SCAPER: variants seen among roughly 807,000 people sequenced by gnomAD.
The protein encoded by SCAPER is S phase cyclin A-associated protein in the endoplasmic reticulum.
Under a neutral mutation model 182.2 loss-of-function variants are expected in SCAPER, and 98 were observed. That is an observed-to-expected ratio of 0.54 (90% CI 0.46 to 0.64). The LOEUF (loss-of-function observed/expected upper bound fraction) is 0.64. Among genes scored for constraint, SCAPER ranks in the 30% least tolerant of loss-of-function variants. SCAPER has a pLI of 0.00. For synonymous variants in SCAPER, 605 were observed against 564.6 expected, an observed-to-expected ratio of 1.07 and a Z score of -1.01; for missense variants, 1,432 against 1,690.0, an observed-to-expected ratio of 0.85 and a Z score of 2.68.
chr15:76,505,223 A>C (rs1040571372), intron 23 of SCAPER, among the ~76,000 whole-genome samples: 1 of 152,178 alleles, frequency 6.6e-6, no homozygotes, highest in East Asian at 1.9e-4. Flanking sequence ...AGCACAGGCA[A>C]CCAAAGCAAA....
intron 23 of SCAPER, among the ~76,000 whole-genome samples, chr15:76,541,551 G>A (rs1357797809): frequency 2.0e-5 from 3 of 152,160 alleles, no homozygotes; most frequent in African/African-American, 7.2e-5. Context: ...CATGTAAGAT[G>A]GGCTTACGGA....
rs116895004 is a variant in SCAPER, at chr15:76,362,703, G to A, written c.3856-8563C>T. Among the ~76,000 whole-genome samples the A allele has an allele frequency of 6.9e-4, 104 of 151,210 alleles. 1 individual carries two copies. In the East Asian group the frequency reaches 0.014, roughly 20 times the overall value. On this transcript the variant is annotated intron_variant, in intron 29 of 31. Transcript: ENST00000563290. ...TGGGATTACAGGTGTAAGCCACTGC[G>A]CTCAGCCCTTGCTCTCTCTCTTTCT...
intron 23 of SCAPER, among the ~76,000 whole-genome samples, chr15:76,536,040 A>G (rs1381630774): frequency 2.0e-5 from 3 of 152,210 alleles, no homozygotes; most frequent in Non-Finnish European, 4.4e-5. Context: ...AAATTTTAAA[A>G]CCATTCTGAA....
At chr15:76,787,298 A>G (rs2064681367) in intron 8 of SCAPER, among the ~76,000 whole-genome samples, 1 of 152,232 alleles carries the variant, frequency 6.6e-6, no homozygotes, top group African/African-American at 2.4e-5. Flanking sequence ...CACAATATAG[A>G]ACCCAGAAAT....
chr15:76,352,504 T>TG (rs2040637668), intron 30 of SCAPER, among the ~76,000 whole-genome samples: 2 of 146,514 alleles, frequency 1.4e-5, no homozygotes, highest in Non-Finnish European at 3.0e-5. Context: ...TTTTTTTTGA[T>TG]GGAGTCTCGC....
chr15:76,881,264 T>A (rs1023755494), intron 2 of SCAPER, among the ~76,000 whole-genome samples: 1 of 152,190 alleles, frequency 6.6e-6, no homozygotes, highest in Non-Finnish European at 1.5e-5. Context: ...CCAGCTAATT[T>A]TTTGTATTTT....
chr15:76,857,362 G>C (rs1287633508), intron 4 of SCAPER, among the ~76,000 whole-genome samples: 2 of 151,666 alleles, frequency 1.3e-5, no homozygotes, highest in African/African-American at 4.8e-5. Flanking sequence ...GAACCCAAGA[G>C]GAAGAGGGTT....
intron 2 of SCAPER, among the ~76,000 whole-genome samples, chr15:76,881,311 G>A (rs918760701): frequency 6.6e-6 from 1 of 152,146 alleles, no homozygotes; most frequent in Non-Finnish European, 1.5e-5. Flanking sequence ...GGCCAAGCTG[G>A]TCTCAAACTC....
chr15:76,800,718 C>T (rs2065720536), intron 6 of SCAPER, among the ~76,000 whole-genome samples: 1 of 152,188 alleles, frequency 6.6e-6, no homozygotes, highest in African/African-American at 2.4e-5. Flanking sequence ...GGCAATGATA[C>T]TACTTCAATC....
At chr15:76,606,848 T>C (rs1336559963) in intron 22 of SCAPER, among the ~76,000 whole-genome samples, 6 of 152,200 alleles carry the variant, frequency 3.9e-5, no homozygotes, top group African/African-American at 1.4e-4. Context: ...CTCCTGCCTT[T>C]TTTTGTTTTC....
At chr15:76,729,687 A>C (rs984877571) in intron 16 of SCAPER, among the ~76,000 whole-genome samples, 1 of 152,132 alleles carries the variant, frequency 6.6e-6, no homozygotes, top group African/African-American at 2.4e-5. Context: ...CTAGAAGATA[A>C]ATAATAATAT....
At position 76,348,661 on chromosome 15, in the gene SCAPER, T is replaced by G; in HGVS notation, c.4175A>C (p.Gln1392Pro). 6.4e-7 allele frequency: 1 copy of G among 1,552,080 alleles called. No homozygotes were observed. Among genetic ancestry groups the G allele is most frequent in the Non-Finnish European group, 8.7e-7 (1 of 1,147,040 alleles). ...TTTTTTCTCTTTTTTCAAGAAAAAC[T>G]GTCGAGCTTCTTCCCAGGCCTGCTG... ...FPQQAWEEARQFFLKKEKK is the reference protein window; with the variant it reads ...FPQQAWEEARPFFLKKEKK The change falls in exon 32 of 32, where the codon CAG becomes CCG. Residue 1392 changes from glutamine to proline, a missense_variant. Physicochemically the swap from Gln to Pro is moderately conservative, Grantham distance 76. Coordinates refer to ENST00000563290, the MANE Select transcript of SCAPER (RefSeq NM_020843.4).
At chr15:76,476,706 CAA>C (rs1184075365) in intron 24 of SCAPER, among the ~76,000 whole-genome samples, 2 of 148,782 alleles carry the variant, frequency 1.3e-5, no homozygotes, top group African/African-American at 5.0e-5. Flanking sequence ...CTAGGCCTCC[CAA>C]AGTGTTGGGA....
intron 21 of SCAPER, among the ~76,000 whole-genome samples, chr15:76,629,490 C>T (rs182991855): frequency 2.8e-4 from 42 of 152,182 alleles, no homozygotes; most frequent in Admixed American, 1.1e-3. Flanking sequence ...ATTTTATCAA[C>T]GGCCTTTTCT....
intron 2 of SCAPER, among the ~76,000 whole-genome samples, chr15:76,876,334 G>A (rs2073161001): frequency 6.6e-6 from 1 of 151,882 alleles, no homozygotes; most frequent in Admixed American, 6.6e-5. Context: ...GGCACCAAGA[G>A]TGAGCGAGGG....
chr15:76,561,353 T>A (rs2046605323), intron 23 of SCAPER, among the ~76,000 whole-genome samples: 1 of 152,196 alleles, frequency 6.6e-6, no homozygotes, highest in African/African-American at 2.4e-5. Flanking sequence ...CCTATTGTAA[T>A]AATTGACATG....
intron 29 of SCAPER, among the ~76,000 whole-genome samples, chr15:76,364,748 T>C (rs1331528271): frequency 6.6e-6 from 1 of 151,930 alleles, no homozygotes; most frequent in Non-Finnish European, 1.5e-5. Context: ...CACCTACCAT[T>C]CTCCATATCC....
chr15:76,372,904 G>A (rs1276192266), intron 29 of SCAPER, among the ~76,000 whole-genome samples: 1 of 152,190 alleles, frequency 6.6e-6, no homozygotes, highest in Non-Finnish European at 1.5e-5. Context: ...TGTAAAATTA[G>A]TCATAGAAAA....
chr15:76,476,009 G>C (rs1454582800), intron 24 of SCAPER, among the ~76,000 whole-genome samples: 8 of 151,976 alleles, frequency 5.3e-5, no homozygotes, highest in Non-Finnish European at 1.0e-4. Context: ...GAGACAATCC[G>C]AGCATGGAAA....
Sources: gnomAD v4.1 joint callset for allele counts (sites outside exome capture counted in the v4.1 genomes callset) on GRCh38, gnomAD v4.1.1 for gene constraint, MANE v1.5 for transcripts, NCBI Gene and HGNC (gene_info 2026-07-23, HGNC 2026-07-21) for gene names.